The following ENAH variants were observed in gnomAD, a reference collection of about 807,000 sequenced individuals.
ENAH encodes protein enabled homolog.
ENAH carries 23 observed loss-of-function variants against 78.7 expected under a neutral mutation model. The observed-to-expected ratio is 0.29, with a 90% CI of 0.21 to 0.41. The LOEUF (loss-of-function observed/expected upper bound fraction) is 0.41. ENAH is among the 10% of genes least tolerant of loss of function. ENAH has a pLI of 1.00. For missense variants in ENAH, 544 were observed against 691.0 expected (o/e 0.79, Z 2.39); for synonymous variants, 226 against 241.0 (o/e 0.94, Z 0.58).
intron 1 of ENAH, among the ~76,000 whole-genome samples, chr1:225,579,797 A>G (rs142527028): frequency 4.7e-4 from 71 of 152,372 alleles, no homozygotes; most frequent in African/African-American, 1.7e-3. Flanking sequence ...AAGAAATAAT[A>G]TATTTTCAGT....
At chr1:225,643,115 C>T (rs1661381551) in intron 1 of ENAH, among the ~76,000 whole-genome samples, 2 of 152,190 alleles carry the variant, frequency 1.3e-5, no homozygotes, top group South Asian at 4.1e-4. Flanking sequence ...AGCCAGGTCA[C>T]GCAAGACCTT....
At position 225,645,510 on chromosome 1, in the gene ENAH, T is replaced by C. The variant is rs10915852; in HGVS notation, c.5+7176A>G. Among the ~76,000 whole-genome samples the C allele has an allele frequency of 6.6e-5, 10 of 152,292 alleles. No individual in the cohort carries two copies. The East Asian group carries it at 1.9e-3, about 29-fold the overall frequency. ...GATACTATAGACATTTGTGTACAAGTTTTTCTGTGGACAAATGTTTTCATT... is the reference window on the plus strand; with the variant it reads ...GATACTATAGACATTTGTGTACAAGCTTTTCTGTGGACAAATGTTTTCATT... On this transcript the variant is annotated intron_variant, in intron 1 of 13. Coordinates refer to ENST00000366843, the MANE Select transcript of ENAH (RefSeq NM_018212.6).
At chr1:225,558,845 G>A (rs991255582) in intron 2 of ENAH, among the ~76,000 whole-genome samples, 1 of 151,952 alleles carries the variant, frequency 6.6e-6, no homozygotes, top group Non-Finnish European at 1.5e-5. Flanking sequence ...ATGTTAGCCA[G>A]GAAGGTCTTG....
At chr1:225,580,019 G>A (rs1047522057) in intron 1 of ENAH, 2 of 152,034 alleles carry the variant, frequency 1.3e-5, no homozygotes, top group Non-Finnish European at 2.9e-5. Flanking sequence ...CCTACTGTGT[G>A]ATTCTGGTTC....
chr1:225,604,654 A>C (rs566651734), intron 1 of ENAH, among the ~76,000 whole-genome samples: 2 of 150,212 alleles, frequency 1.3e-5, no homozygotes, highest in East Asian at 3.9e-4. Context: ...TTAGCCAGGC[A>C]TGGTGGTGGG....
At chr1:225,541,389 C>T (rs933858467) in intron 3 of ENAH, among the ~76,000 whole-genome samples, 6 of 151,970 alleles carry the variant, frequency 3.9e-5, no homozygotes, top group Non-Finnish European at 5.9e-5. Context: ...GAGCCAAGAT[C>T]GCGCCACTGT....
Position 225,488,453 on chromosome 1 carries a change from A to G in ENAH, c.*9322T>C, listed in dbSNP as rs993812827. ...TGGCTGTCCCTCTCTCGCTCCCACC[A>G]GCTACATAATAGGGACTTTCAGGAT... On this transcript the variant is annotated 3_prime_UTR_variant, in exon 14 of 14. Transcript: ENST00000366843. 7 of 152,132 alleles carry G rather than the reference A, an allele frequency of 4.6e-5. No homozygotes were observed. Among genetic ancestry groups the G allele is most frequent in the Admixed American group, 1.3e-4 (2 of 15,276 alleles). The allele number at this position is 152,132 out of a possible 1,614,324, so 9.4% of individuals were successfully genotyped here.
chr1:225,645,020 G>A (rs1489817454), intron 1 of ENAH, among the ~76,000 whole-genome samples: 1 of 152,166 alleles, frequency 6.6e-6, no homozygotes, highest in African/African-American at 2.4e-5. Context: ...TTAGCACGAA[G>A]ATACAGCTCC....
intron 1 of ENAH, among the ~76,000 whole-genome samples, chr1:225,651,790 G>GA (rs1017545875): frequency 5.3e-5 from 8 of 151,624 alleles, no homozygotes; most frequent in African/African-American, 1.7e-4. Context: ...GGAAAGGCTG[G>GA]AAAAAAAATC....
chr1:225,643,542 T>C (rs145794712), intron 1 of ENAH, among the ~76,000 whole-genome samples: 1 of 152,084 alleles, frequency 6.6e-6, no homozygotes, highest in South Asian at 2.1e-4. Flanking sequence ...ATGGAACAAA[T>C]CTAAAAGTCC....
chr1:225,615,103 G>A (rs544358899), intron 1 of ENAH, among the ~76,000 whole-genome samples: 111 of 152,230 alleles, frequency 7.3e-4, no homozygotes, highest in African/African-American at 2.7e-3. Context: ...GCGGAGGCTG[G>A]ACTGTGCTGC....
chr1:225,651,293 G>GA lies in ENAH; in HGVS notation c.5+1392dup, dbSNP rs201921824. 6.2e-3 allele frequency among the ~76,000 whole-genome samples: 907 copies of GA among 145,964 alleles called. 6 individuals are homozygous for GA. The highest frequency in any genetic ancestry group is 7.1e-3 in the Non-Finnish European group (469 of 66,268). Reference sequence around the variant, plus strand: ...CATAAATACAGGTAACTTGGAATCAGAAAAAAAAATTCAAATTCACAGTAA... The same window carrying GA: ...CATAAATACAGGTAACTTGGAATCAGAAAAAAAAAATTCAAATTCACAGTAA... On this transcript the variant is annotated intron_variant, in intron 1 of 13. Coordinates refer to ENST00000366843, the MANE Select transcript of ENAH (RefSeq NM_018212.6).
In ENAH at chr1:225,511,776, G is replaced by A. The variant is rs376270809; in HGVS notation, c.1471+35C>T. 4.7e-4 allele frequency: 704 copies of A among 1,497,022 alleles called. 1 individual carries two copies. Among genetic ancestry groups the A allele is most frequent in the Non-Finnish European group, 6.3e-4 (682 of 1,086,742 alleles). The allele number at this position is 1,497,022 out of a possible 1,614,324, so 92.7% of individuals were successfully genotyped here. A position where few individuals can be genotyped will look rare whatever the true frequency, so the allele number is the denominator to read the frequency against. ...TGGGGAGTATTAATATTTAGAGAAAGTTTATAAAGGTTAAAATATTTATCT... is the reference window on the plus strand; with the variant it reads ...TGGGGAGTATTAATATTTAGAGAAAATTTATAAAGGTTAAAATATTTATCT... On this transcript the variant is annotated intron_variant, in intron 10 of 13. Coordinates refer to ENST00000366843, the MANE Select transcript of ENAH (RefSeq NM_018212.6).
intron 1 of ENAH, among the ~76,000 whole-genome samples, chr1:225,581,599 A>G (rs1281224296): frequency 1.3e-5 from 2 of 152,312 alleles, no homozygotes; most frequent in South Asian, 2.1e-4. Flanking sequence ...ATTTTTCTCA[A>G]AATGTAAGCA....
At chr1:225,586,453 C>CA (rs2096847471) in intron 1 of ENAH, among the ~76,000 whole-genome samples, 1 of 151,816 alleles carries the variant, frequency 6.6e-6, no homozygotes, top group Non-Finnish European at 1.5e-5. Context: ...TATAAACTCT[C>CA]AAAAAAATAA....
At position 225,493,936 on chromosome 1, in the gene ENAH, G is replaced by A. The variant is rs901441466; in HGVS notation, c.*3839C>T. ...TAAATTTACAAGAGACATAAAAGTT[G>A]TAGCTAGGTAAATTTAAAAGATTAT... is the stretch of plus-strand genomic sequence containing the variant. On this transcript the variant is annotated 3_prime_UTR_variant, in exon 14 of 14. Transcript: ENST00000366843. 9 of 151,936 alleles carry A rather than the reference G, an allele frequency of 5.9e-5. No homozygotes were observed. The highest frequency in any genetic ancestry group is 2.2e-4 in the African/African-American group (9 of 41,364). 9.4% of individuals were successfully genotyped at this position (151,936 alleles called of 1,614,324 possible).
Position 225,500,999 on chromosome 1 carries a change from A to C in ENAH, c.1610T>G (p.Leu537Arg). ...CTGCCACTGAGCACCCACCTGCTTC[A>C]GCCTGTCATAGTCAAGTCCTTCCGT... ...VQTEGLDYDR[L>R]KQDILDEMRK... Residue 537 changes from leucine (L) to arginine (R), a missense_variant, in exon 12 of 14, where the codon CTG (leucine) becomes CGG (arginine). This residue lies in a region of ENAH where 97 missense variants were observed against 124.4 expected (regional missense o/e 0.78). Transcript: ENST00000366843. 1 of 1,614,074 alleles carries C rather than the reference A, an allele frequency of 6.2e-7. No individual in the cohort carries two copies. Among genetic ancestry groups the C allele is most frequent in the Non-Finnish European group, 8.5e-7 (1 of 1,179,974 alleles).
chr1:225,555,832 A>G (rs1016169270), intron 2 of ENAH, among the ~76,000 whole-genome samples: 1 of 152,212 alleles, frequency 6.6e-6, no homozygotes, highest in African/African-American at 2.4e-5. Context: ...TACTACATTT[A>G]TATGAAATCC....
chr1:225,492,694 T>G lies in ENAH; in HGVS notation c.*5081A>C, dbSNP rs2096227887. The G allele has an allele frequency of 6.6e-6, 1 of 152,166 alleles. No individual in the cohort carries two copies. Among genetic ancestry groups the G allele is most frequent in the Admixed American group, 6.5e-5 (1 of 15,282 alleles). The allele number at this position is 152,166 out of a possible 1,614,324, so 9.4% of individuals were successfully genotyped here. A position where few individuals can be genotyped will look rare whatever the true frequency, so the allele number is the denominator to read the frequency against. On this transcript the variant is annotated 3_prime_UTR_variant, in exon 14 of 14. Transcript: ENST00000366843. ...TATGTGCTTTAAATGATACTAACAC[T>G]TCCGTTTAGAAGGTTGTGTGCATCA...
Sources: allele counts gnomAD v4.1 joint callset (sites outside exome capture counted in the v4.1 genomes callset), GRCh38; gene constraint gnomAD v4.1.1; regional missense constraint gnomAD v4.1.1; transcripts MANE v1.5; gene names NCBI Gene and HGNC (gene_info 2026-07-23, HGNC 2026-07-21).